Variants in SLC17A8 observed in about 807,000 individuals in gnomAD.
SLC17A8 encodes the protein vesicular glutamate transporter 3.
SLC17A8 carries 31 observed loss-of-function variants against 58.0 expected under a neutral mutation model. The observed-to-expected ratio is 0.53, with a 90% CI of 0.40 to 0.72. SLC17A8 has a LOEUF of 0.72. Among genes scored for constraint, SLC17A8 ranks in the 30% least tolerant of loss-of-function variants. SLC17A8 has a pLI of 0.00. For synonymous variants in SLC17A8, 228 were observed against 249.0 expected, an observed-to-expected ratio of 0.92 and a Z score of 0.79; for missense variants, 655 against 727.8, an observed-to-expected ratio of 0.90 and a Z score of 1.15.
intron 1 of SLC17A8, among the ~76,000 whole-genome samples, chr12:100,378,395 G>A (rs1196889339): frequency 2.0e-5 from 3 of 152,134 alleles, no homozygotes; most frequent in Non-Finnish European, 4.4e-5. Flanking sequence ...GGCAGTTTTG[G>A]GGGCTCAGGT....
intron 3 of SLC17A8, 21 bp from the exon 4 acceptor site, chr12:100,393,346 AAC>A: frequency 6.4e-7 from 1 of 1,558,812 alleles, no homozygotes; most frequent in Non-Finnish European, 8.8e-7. Flanking sequence ...CCTGCCGAAT[AAC>A]ACAATGCTTT....
chr12:100,372,841 A>G (rs1161223584), intron 1 of SLC17A8, among the ~76,000 whole-genome samples: 1 of 152,218 alleles, frequency 6.6e-6, no homozygotes, highest in Non-Finnish European at 1.5e-5. Flanking sequence ...CTAGGATTGC[A>G]GGCGTGAGCC....
In SLC17A8 at chr12:100,391,016, T is replaced by G. The variant is rs936874438; in HGVS notation, c.370T>G (p.Trp124Gly). ...KPEIQTAQFN[W>G]DPETVGLIHG... Reference sequence around the variant, plus strand: ...TCATTTCCAGACAGCACAGTTTAACTGGGATCCAGAAACAGTGGGCCTTAT... The same window carrying G: ...TCATTTCCAGACAGCACAGTTTAACGGGGATCCAGAAACAGTGGGCCTTAT... The change falls in exon 3 of 12, where the codon TGG becomes GGG. Residue 124 changes from tryptophan (W) to glycine (G), a missense_variant. Transcript: ENST00000323346. The G allele has an allele frequency of 6.2e-7, 1 of 1,611,272 alleles. No homozygotes were observed. The highest frequency in any genetic ancestry group is 1.3e-5 in the African/African-American group (1 of 74,876).
intron 1 of SLC17A8, 37 bp from the exon 2 acceptor site, chr12:100,380,664 T>G (rs775302891): frequency 6.2e-7 from 1 of 1,613,634 alleles, no homozygotes; most frequent in Admixed American, 1.7e-5. Context: ...CCTTTAATCC[T>G]GGCTTTTATT....
chr12:100,393,330 A>C (rs771362585), intron 3 of SLC17A8, 39 bp from the exon 4 acceptor site: 6 of 1,404,320 alleles, frequency 4.3e-6, no homozygotes, highest in Non-Finnish European at 6.1e-6. Context: ...CACATCCATC[A>C]GCAGACCTGC....
At chr12:100,373,704 C>T (rs926645899) in intron 1 of SLC17A8, among the ~76,000 whole-genome samples, 4 of 151,782 alleles carry the variant, frequency 2.6e-5, no homozygotes, top group African/African-American at 9.7e-5. Context: ...CCTGCCTCAG[C>T]CTCCCGAGTA....
At chr12:100,392,228 C>G (rs1454376331) in intron 3 of SLC17A8, among the ~76,000 whole-genome samples, 1 of 151,404 alleles carries the variant, frequency 6.6e-6, no homozygotes, top group Non-Finnish European at 1.5e-5. Flanking sequence ...AAGCACAACT[C>G]ATTAGATAGT....
chr12:100,412,626 C>G, intron 9 of SLC17A8, 144 bp from the exon 10 acceptor site: 1 of 508,562 alleles, frequency 2.0e-6, no homozygotes, highest in Non-Finnish European at 3.6e-6. Flanking sequence ...AATTCCAGAA[C>G]TTAAAGTAAA....
intron 2 of SLC17A8, among the ~76,000 whole-genome samples, chr12:100,389,448 C>A (rs1260357099): frequency 1.3e-5 from 2 of 152,132 alleles, no homozygotes; most frequent in African/African-American, 4.8e-5. Flanking sequence ...ACAAAACTGG[C>A]ATCTGAATAA....
rs1952753567 is a variant in SLC17A8, at chr12:100,396,328, A to G, written c.589-2A>G. On this transcript the variant is annotated splice_acceptor_variant, in intron 4 of 11. Transcript: ENST00000323346. LOFTEE classifies it high-confidence loss of function. ...CTAATCTATTTTCAACTCTTCTGCCAGGGTGTGACCTACCCAGCCTGCCAT... is the reference window on the plus strand; with the variant it reads ...CTAATCTATTTTCAACTCTTCTGCCGGGGTGTGACCTACCCAGCCTGCCAT... 6.2e-7 allele frequency: 1 copy of G among 1,613,424 alleles called. No individual in the cohort carries two copies. Among genetic ancestry groups the G allele is most frequent in the Admixed American group, 1.7e-5 (1 of 60,022 alleles).
chr12:100,393,598 T>C, intron 4 of SLC17A8, 115 bp downstream of exon 4: 1 of 765,112 alleles, frequency 1.3e-6, no homozygotes, highest in Non-Finnish European at 2.3e-6. Context: ...ATTTTCTTCC[T>C]TTTCCTGCTG....
intron 9 of SLC17A8, among the ~76,000 whole-genome samples, chr12:100,404,969 T>A (rs1952816831): frequency 6.6e-6 from 1 of 152,230 alleles, no homozygotes; most frequent in Non-Finnish European, 1.5e-5. Context: ...AGGTAGAGGA[T>A]AGCGCCACCT....
chr12:100,402,206 GT>G, intron 6 of SLC17A8, 133 bp from the exon 7 acceptor site: 1 of 908,782 alleles, frequency 1.1e-6, no homozygotes, highest in Non-Finnish European at 1.7e-6. Flanking sequence ...AGATGTCTGA[GT>G]CCCTCAAACC....
chr12:100,372,397 G>T (rs1192364824), intron 1 of SLC17A8, among the ~76,000 whole-genome samples: 1 of 152,038 alleles, frequency 6.6e-6, no homozygotes, highest in Non-Finnish European at 1.5e-5. Context: ...ACCCAGCCTG[G>T]AGTGCAGTGG....
In SLC17A8 at chr12:100,380,783, C is replaced by A. The variant is rs1342040241; in HGVS notation, c.184C>A (p.Pro62Thr). The change falls in exon 2 of 12, where the codon CCC becomes ACC. Residue 62 changes from proline to threonine, a missense_variant. By Grantham distance (38) the Pro-to-Thr change is conservative. Transcript: ENST00000323346. ...GCCGGTGCAGACGTCCAGGCCAAGC[C>A]CCCCACTCTGCGACTGCCACTGCTG... is the stretch of plus-strand genomic sequence containing the variant. ...GRPVQTSRPS[P>T]PLCDCHCCGL... 6.2e-7 allele frequency: 1 copy of A among 1,614,070 alleles called. No individual in the cohort carries two copies. The highest frequency in any genetic ancestry group is 1.3e-5 in the African/African-American group (1 of 75,008).
intron 2 of SLC17A8, among the ~76,000 whole-genome samples, chr12:100,390,613 G>C (rs1180379514): frequency 6.6e-6 from 1 of 151,780 alleles, no homozygotes; most frequent in Non-Finnish European, 1.5e-5. Flanking sequence ...CTCCCAAAGT[G>C]CTGGGATTAC....
At position 100,363,397 on chromosome 12, in the gene SLC17A8, C is replaced by T. The variant is rs551812025; in HGVS notation, c.101+5905C>T. On this transcript the variant is annotated intron_variant, in intron 1 of 11. Coordinates refer to ENST00000323346, the MANE Select transcript of SLC17A8 (RefSeq NM_139319.3). Reference sequence around the variant, plus strand: ...TTTGTTTGTTTGTTTGGGATGGAGTCCCACTCTGTCGCCCAGGCTGGATGC... The same window carrying T: ...TTTGTTTGTTTGTTTGGGATGGAGTTCCACTCTGTCGCCCAGGCTGGATGC... Among the ~76,000 whole-genome samples, 3 of 152,180 alleles carry T rather than the reference C, an allele frequency of 2.0e-5. No homozygotes were observed. In the South Asian group the frequency reaches 6.2e-4, roughly 32 times the overall value.
intron 1 of SLC17A8, among the ~76,000 whole-genome samples, chr12:100,374,287 G>A (rs1952579089): frequency 6.6e-6 from 1 of 152,140 alleles, no homozygotes; most frequent in Non-Finnish European, 1.5e-5. Flanking sequence ...GGCTATACAA[G>A]AAATGGCCTG....
Position 100,421,658 on chromosome 12 carries a change from G to GTTTTTTTTTTTT in SLC17A8, c.*1510_*1521dup, listed in dbSNP as rs59689031. On this transcript the variant is annotated 3_prime_UTR_variant, in exon 12 of 12. Transcript: ENST00000323346. Reference sequence around the variant, plus strand: ...TACTTGTAGCTTATTATTGTAAAGTGTTTTTTTTTTTTTTTTTTTTTTCTA... The same window carrying GTTTTTTTTTTTT: ...TACTTGTAGCTTATTATTGTAAAGTGTTTTTTTTTTTTTTTTTTTTTTTTTTTTTTTTTTCTA... The GTTTTTTTTTTTT allele has an allele frequency of 5.3e-3, 585 of 109,622 alleles. No homozygotes were observed. Among genetic ancestry groups the GTTTTTTTTTTTT allele is most frequent in the African/African-American group, 6.4e-3 (160 of 25,100 alleles). 6.8% of individuals were successfully genotyped at this position (109,622 alleles called of 1,614,324 possible).
Sources: gnomAD v4.1 joint callset for allele counts (sites outside exome capture counted in the v4.1 genomes callset) on GRCh38, gnomAD v4.1.1 for gene constraint, MANE v1.5 for transcripts, NCBI Gene and HGNC (gene_info 2026-07-23, HGNC 2026-07-21) for gene names.